Variants in PPP6R3 observed in about 807,000 individuals in gnomAD.
PPP6R3 encodes the protein protein phosphatase 6 regulatory subunit 3.
A neutral mutation model predicts 110.7 loss-of-function variants in PPP6R3; 38 were observed. That is an observed-to-expected ratio of 0.34 (90% CI 0.26 to 0.45). PPP6R3 has a LOEUF of 0.45. PPP6R3 is among the 20% of genes least tolerant of loss of function. The pLI is 1.00. For synonymous variants in PPP6R3, 369 were observed against 373.5 expected (o/e 0.99, Z 0.14); for missense variants, 870 against 1,062.4 (o/e 0.82, Z 2.52).
chr11:68,572,376 T>C (rs1418313613), intron 12 of PPP6R3, among the ~76,000 whole-genome samples: 5 of 152,296 alleles, frequency 3.3e-5, no homozygotes, highest in African/African-American at 1.2e-4. Context: ...GAACTTTCCT[T>C]GTTTCCTTGC....
At chr11:68,590,615 G>T (rs1390097357) in intron 16 of PPP6R3, 45 bp from the exon 17 acceptor site, 4 of 1,507,684 alleles carry the variant, frequency 2.7e-6, no homozygotes, top group Non-Finnish European at 3.6e-6. Context: ...TCTGTGAGCT[G>T]ATAGTAATTA....
chr11:68,509,917 T>A (rs1223591839), intron 1 of PPP6R3, among the ~76,000 whole-genome samples: 9 of 141,762 alleles, frequency 6.3e-5, no homozygotes, highest in Non-Finnish European at 1.2e-4. Flanking sequence ...ACTCGGCAAA[T>A]TTTTTTTTTT....
intron 1 of PPP6R3, among the ~76,000 whole-genome samples, chr11:68,513,247 A>G (rs906285518): frequency 9.2e-5 from 14 of 152,164 alleles, no homozygotes; most frequent in African/African-American, 3.4e-4. Flanking sequence ...ATCCCCTCTC[A>G]TGTATCTGTA....
intron 11 of PPP6R3, among the ~76,000 whole-genome samples, chr11:68,570,327 C>G (rs1333590521): frequency 6.6e-6 from 1 of 152,160 alleles, no homozygotes; most frequent in African/African-American, 2.4e-5. Flanking sequence ...GTCTCTTTTT[C>G]TCTTCTGTCA....
intron 1 of PPP6R3, among the ~76,000 whole-genome samples, chr11:68,516,474 C>T (rs1183120737): frequency 6.6e-6 from 1 of 152,208 alleles, no homozygotes; most frequent in Non-Finnish European, 1.5e-5. Flanking sequence ...CAAGATATCT[C>T]ATTATGTATA....
At chr11:68,583,879 G>A (rs538269269) in intron 15 of PPP6R3, among the ~76,000 whole-genome samples, 83 of 152,210 alleles carry the variant, frequency 5.5e-4, no homozygotes, top group African/African-American at 1.8e-3. Context: ...TAGAATTAAC[G>A]GGGACACCTT....
intron 2 of PPP6R3, among the ~76,000 whole-genome samples, chr11:68,521,584 G>C (rs1354477665): frequency 2.0e-5 from 3 of 152,168 alleles, no homozygotes; most frequent in Non-Finnish European, 4.4e-5. Flanking sequence ...CAGGTGGTTA[G>C]GAGGGTTCCT....
rs1347235762 is a variant in PPP6R3, at chr11:68,565,629, G to C, written c.975+1197G>C. Among the ~76,000 whole-genome samples the C allele has an allele frequency of 2.0e-5, 3 of 152,084 alleles. No individual in the cohort carries two copies. In the South Asian group the frequency reaches 6.3e-4, roughly 32 times the overall value. On this transcript the variant is annotated intron_variant, in intron 9 of 23. Transcript: ENST00000393800. ...AGGAAGGGCCTGACCTGTGTCTTAGGTGGCCCACCCATCTTCTTTCTGGGT... is the reference window on the plus strand; with the variant it reads ...AGGAAGGGCCTGACCTGTGTCTTAGCTGGCCCACCCATCTTCTTTCTGGGT...
chr11:68,544,228 C>A (rs941007630), intron 3 of PPP6R3, among the ~76,000 whole-genome samples: 10 of 152,156 alleles, frequency 6.6e-5, no homozygotes, highest in African/African-American at 2.4e-4. Context: ...ATAGCTAGGA[C>A]AACATTTTTT....
Position 68,551,139 on chromosome 11 carries a change from A to C in PPP6R3, c.571A>C (p.Ile191Leu). Residue 191 changes from isoleucine (I) to leucine (L), a missense_variant, in exon 6 of 24, where the codon ATT becomes CTT. Coordinates refer to ENST00000393800, the MANE Select transcript of PPP6R3 (RefSeq NM_001164161.2). ...TTTACAGTGGTTAAATGAGGAGAAA[A>C]TTATCCAGAGGCTTGTGGAAATAGT... ...DVLNWLNEEK[I>L]IQRLVEIVHP... is the part of the protein sequence containing the mutation. The C allele has an allele frequency of 6.2e-7, 1 of 1,610,894 alleles. No homozygotes were observed. The highest frequency in any genetic ancestry group is 8.5e-7 in the Non-Finnish European group (1 of 1,177,482).
chr11:68,518,891 C>T (rs751914036), intron 1 of PPP6R3, among the ~76,000 whole-genome samples: 2 of 152,050 alleles, frequency 1.3e-5, no homozygotes, highest in Non-Finnish European at 2.9e-5. Context: ...TAGAGGAATT[C>T]TAATTAGTTC....
intron 14 of PPP6R3, among the ~76,000 whole-genome samples, chr11:68,576,262 G>T (rs901640682): frequency 2.0e-5 from 3 of 152,174 alleles, no homozygotes; most frequent in African/African-American, 7.2e-5. Context: ...AGGATATTGA[G>T]AAGTCACTGA....
intron 22 of PPP6R3, among the ~76,000 whole-genome samples, chr11:68,605,966 A>C (rs1939492965): frequency 6.6e-6 from 1 of 152,252 alleles, no homozygotes; most frequent in African/African-American, 2.4e-5. Flanking sequence ...GTGAAATTTG[A>C]ATTCCAAAAC....
Position 68,548,077 on chromosome 11 carries a change from T to A in PPP6R3, c.425T>A (p.Phe142Tyr). The A allele has an allele frequency of 1.2e-6, 2 of 1,613,428 alleles. No individual in the cohort carries two copies. The highest frequency in any genetic ancestry group is 1.7e-6 in the Non-Finnish European group (2 of 1,179,428). ...ISRKPEQIVD[F>Y]LKKKHDFVDL... ...TCTGTTCTTCTCTAGATTGTGGATTTCTTAAAGAAGAAGCATGATTTTGTA... is the reference window on the plus strand; with the variant it reads ...TCTGTTCTTCTCTAGATTGTGGATTACTTAAAGAAGAAGCATGATTTTGTA... The change falls in exon 5 of 24, where the codon TTC becomes TAC. Residue 142 changes from phenylalanine (F) to tyrosine (Y), a missense_variant. By Grantham distance (22) the Phe-to-Tyr change is conservative. Transcript: ENST00000393800.
intron 3 of PPP6R3, among the ~76,000 whole-genome samples, chr11:68,539,944 G>A (rs184246725): frequency 2.6e-5 from 4 of 152,336 alleles, no homozygotes; most frequent in Admixed American, 2.0e-4. Flanking sequence ...GAACATCCAG[G>A]CAGGGGGAAC....
chr11:68,549,687 C>T (rs2099363227), intron 5 of PPP6R3, among the ~76,000 whole-genome samples: 1 of 152,098 alleles, frequency 6.6e-6, no homozygotes, highest in African/African-American at 2.4e-5. Flanking sequence ...GAGATTTATT[C>T]AGGATGGTTT....
intron 18 of PPP6R3, among the ~76,000 whole-genome samples, chr11:68,592,913 G>C (rs944501349): frequency 6.6e-6 from 1 of 152,220 alleles, no homozygotes; most frequent in Admixed American, 6.5e-5. Flanking sequence ...AGAGCACCAC[G>C]TGTGGAAGGC....
intron 18 of PPP6R3, among the ~76,000 whole-genome samples, chr11:68,593,846 C>T (rs1193974405): frequency 1.3e-5 from 2 of 152,160 alleles, no homozygotes; most frequent in Non-Finnish European, 1.5e-5. Context: ...TGGCAAAACC[C>T]TGTCTCTACA....
At chr11:68,475,954 G>T (rs2098828384) in intron 1 of PPP6R3, among the ~76,000 whole-genome samples, 1 of 151,956 alleles carries the variant, frequency 6.6e-6, no homozygotes, top group South Asian at 2.1e-4. Flanking sequence ...TGGCGGCCGG[G>T]AAGAGGCGCT....
Sources: allele counts gnomAD v4.1 joint callset (sites outside exome capture counted in the v4.1 genomes callset), GRCh38; gene constraint gnomAD v4.1.1; transcripts MANE v1.5; gene names NCBI Gene and HGNC (gene_info 2026-07-23, HGNC 2026-07-21).